MS4A6E: variants seen among roughly 807,000 people sequenced by gnomAD.
The protein encoded by MS4A6E is membrane spanning 4-domains A6E, also known as membrane-spanning 4-domains subfamily A member 6E.
In MS4A6E, 8 loss-of-function variants were observed where a neutral mutation model predicts 13.2. The ratio of observed to expected loss-of-function variants is 0.60; its 90% CI spans 0.35 to 1.09. The LOEUF is 1.09. Ranked by LOEUF, MS4A6E falls within the 50% of genes least tolerant of loss-of-function variation. The pLI is 0.02. For synonymous variants in MS4A6E, 72 were observed against 67.6 expected (o/e 1.06, Z -0.32); for missense variants, 177 against 171.1 (o/e 1.03, Z -0.19).
chr11:60,348,245 A>T (rs1488704217), intron 4 of MS4A6E, among the ~76,000 whole-genome samples: 1 of 152,164 alleles, frequency 6.6e-6, no homozygotes, highest in Admixed American at 6.5e-5. Context: ...GGAAATTGGA[A>T]AAGCTAGAGT....
chr11:60,345,942 T>C (rs894552075), downstream of MS4A6E, among the ~76,000 whole-genome samples: 1 of 152,176 alleles, frequency 6.6e-6, no homozygotes, highest in Non-Finnish European at 1.5e-5. Flanking sequence ...GAGGCCTGGA[T>C]TAGACAGGAG....
chr11:60,341,327 T>C lies in MS4A6E; in HGVS notation c.*561T>C, dbSNP rs1382119178. Among the ~76,000 whole-genome samples the C allele has an allele frequency of 6.6e-6, 1 of 152,240 alleles. No homozygotes were observed. The highest frequency in any genetic ancestry group is 1.5e-5 in the Non-Finnish European group (1 of 68,030). On this transcript the variant is annotated 3_prime_UTR_variant, in exon 5 of 5. Transcript: ENST00000684409. ...GTAGCCGGCTTCAAAATAAAATCTT[T>C]GAGTGCATACTTTATTTTAATACTT...
At chr11:60,338,018 T>C (rs2085200450) in intron 3 of MS4A6E, 71 bp downstream of exon 3, 1 of 1,475,626 alleles carries the variant, frequency 6.8e-7, no homozygotes, top group Non-Finnish European at 9.3e-7. Context: ...TATTATTCCA[T>C]CCTTTGAAAA....
intron 1 of MS4A6E, among the ~76,000 whole-genome samples, chr11:60,327,701 G>A (rs2085128497): frequency 6.6e-6 from 1 of 152,082 alleles, no homozygotes; most frequent in Admixed American, 6.6e-5. Flanking sequence ...GTGCCATTCT[G>A]ATGTGGTGTC....
chr11:60,328,029 CAAAAAAAA>C (rs3042505), intron 1 of MS4A6E, among the ~76,000 whole-genome samples: 3 of 82,054 alleles, frequency 3.7e-5, no homozygotes, highest in Non-Finnish European at 6.8e-5. Flanking sequence ...GACTCCATCT[CAAAAAAAA>C]AAAAAAAAAA....
intron 4 of MS4A6E, among the ~76,000 whole-genome samples, 165 bp downstream of exon 4, chr11:60,340,129 T>C (rs1186183222): frequency 1.3e-5 from 2 of 152,148 alleles, no homozygotes; most frequent in Non-Finnish European, 2.9e-5. Context: ...AAGCAGATGG[T>C]AATTGAGTAG....
intron 4 of MS4A6E, among the ~76,000 whole-genome samples, chr11:60,347,075 T>G (rs73477057): frequency 0.018 from 2,715 of 151,952 alleles, 91 homozygotes; most frequent in African/African-American, 0.062. Flanking sequence ...GGGGTAAGAG[T>G]GAAGCAGGGA....
chr11:60,331,466 C>A lies in MS4A6E; in HGVS notation c.-14-3416C>A, dbSNP rs142437363. On this transcript the variant is annotated intron_variant, in intron 1 of 4. Transcript: ENST00000684409. ...TGTTTGATTTTGCATTTATTTTAGT[C>A]TTTTATGACACTGACTTTTGTTTTT... 3.9e-5 allele frequency among the ~76,000 whole-genome samples: 6 copies of A among 152,094 alleles called. No individual in the cohort carries two copies. The East Asian group carries it at 1.2e-3, about 29-fold the overall frequency.
chr11:60,333,538 C>T (rs916249192), intron 1 of MS4A6E, among the ~76,000 whole-genome samples: 17 of 152,128 alleles, frequency 1.1e-4, no homozygotes, highest in Non-Finnish European at 1.9e-4. Context: ...AAGAGAAGGA[C>T]ACATGTCCTT....
chr11:60,346,245 A>G (rs1482941195), downstream of MS4A6E, among the ~76,000 whole-genome samples: 1 of 152,190 alleles, frequency 6.6e-6, no homozygotes, highest in Admixed American at 6.5e-5. Context: ...CCACATCAAT[A>G]GCATCTAGCG....
At chr11:60,343,865 T>C (rs1042448882), downstream of MS4A6E, among the ~76,000 whole-genome samples, 6 of 152,290 alleles carry the variant, frequency 3.9e-5, no homozygotes, top group East Asian at 1.2e-3. Context: ...GAGTGTGATG[T>C]ATGCAGGAAT....
chr11:60,338,591 A>G (rs2085204191), intron 3 of MS4A6E: 1 of 152,268 alleles, frequency 6.6e-6, no homozygotes, highest in African/African-American at 2.4e-5. Flanking sequence ...TCGCAGGAGA[A>G]TTCTCTCTCT....
At chr11:60,346,424 C>G (rs887095107) in intron 4 of MS4A6E, among the ~76,000 whole-genome samples, 1 of 152,306 alleles carries the variant, frequency 6.6e-6, no homozygotes, top group Non-Finnish European at 1.5e-5. Context: ...GTCCTATCAC[C>G]TGCTGCTGTA....
chr11:60,340,021 G>A, intron 4 of MS4A6E, 57 bp downstream of exon 4: 1 of 1,601,150 alleles, frequency 6.2e-7, no homozygotes, highest in East Asian at 2.3e-5. Context: ...TCTCTGCACT[G>A]TGTTGAGTAT....
chr11:60,340,769 C>T lies in MS4A6E; in HGVS notation c.*10-7C>T. 4.9e-6 allele frequency: 1 copy of T among 204,330 alleles called. No homozygotes were observed. The highest frequency in any genetic ancestry group is 1.1e-5 in the Non-Finnish European group (1 of 93,950). The allele number at this position is 204,330 out of a possible 1,614,324, so 12.7% of individuals were successfully genotyped here. A position where few individuals can be genotyped will look rare whatever the true frequency, so the allele number is the denominator to read the frequency against. On this transcript the variant is annotated splice_polypyrimidine_tract_variant and splice_region_variant and intron_variant, in intron 4 of 4. Coordinates refer to ENST00000684409, the MANE Select transcript of MS4A6E (RefSeq NM_139249.4). ...TTCTTCTAAAGTGTGCTTTTCCTGC[C>T]TCACAGTTACTCATGTCCTCAAAGA... is the stretch of plus-strand genomic sequence containing the variant.
chr11:60,337,039 C>T (rs1185376442), intron 2 of MS4A6E, among the ~76,000 whole-genome samples: 1 of 152,096 alleles, frequency 6.6e-6, no homozygotes, highest in Non-Finnish European at 1.5e-5. Context: ...CTGTACCTCC[C>T]GCTGCCTCCC....
intron 4 of MS4A6E, among the ~76,000 whole-genome samples, chr11:60,348,172 G>A (rs2085264228): frequency 1.3e-5 from 2 of 152,144 alleles, no homozygotes; most frequent in South Asian, 4.2e-4. Flanking sequence ...TAAAGGTAGA[G>A]TTTTTTTCCA....
At chr11:60,328,299 G>T (rs2085132566) in intron 1 of MS4A6E, among the ~76,000 whole-genome samples, 1 of 152,146 alleles carries the variant, frequency 6.6e-6, no homozygotes, top group Non-Finnish European at 1.5e-5. Context: ...AAAATTATCA[G>T]CCTGGCCATG....
At chr11:60,340,053 A>C in intron 4 of MS4A6E, 89 bp downstream of exon 4, 1 of 1,572,136 alleles carries the variant, frequency 6.4e-7, no homozygotes. Context: ...TGGTAGAAGG[A>C]ACAATCAGTC....
Sources: allele counts gnomAD v4.1 joint callset (sites outside exome capture counted in the v4.1 genomes callset), GRCh38; gene constraint gnomAD v4.1.1; transcripts MANE v1.5; gene names NCBI Gene and HGNC (gene_info 2026-07-23, HGNC 2026-07-21).